RGS10: variants seen among roughly 807,000 people sequenced by gnomAD.
The protein encoded by RGS10 is regulator of G protein signaling 10.
In RGS10, 11 loss-of-function variants were observed where a neutral mutation model predicts 23.5. That is an observed-to-expected ratio of 0.47 (90% CI 0.29 to 0.77). The LOEUF (loss-of-function observed/expected upper bound fraction) is 0.77. Ranked by LOEUF, RGS10 falls within the 30% of genes least tolerant of loss-of-function variation. RGS10 has a pLI of 0.08. For synonymous variants in RGS10, 77 were observed against 83.2 expected (o/e 0.92, Z 0.41); for missense variants, 180 against 226.3 (o/e 0.80, Z 1.31).
At position 119,527,403 on chromosome 10, in the gene RGS10, C is replaced by T; in HGVS notation, c.71G>A (p.Ser24Asn). 6.2e-7 allele frequency: 1 copy of T among 1,614,230 alleles called. No individual in the cohort carries two copies. The highest frequency in any genetic ancestry group is 8.5e-7 in the Non-Finnish European group (1 of 1,180,014). ...PPSDIHDSDG[S>N]SSSSHQSLKS... is the part of the protein sequence containing the mutation. ...GAGGCTCTGGTGGCTGCTGCTGGAA[C>T]TGCCATCGCTGTCGTGGATGTCTGC... is the stretch of plus-strand genomic sequence containing the variant. The change falls in exon 2 of 5, where the codon AGT (serine) becomes AAT (asparagine). Residue 24 changes from serine to asparagine, a missense_variant. By Grantham distance (46) the Ser-to-Asn change is conservative. Coordinates refer to ENST00000369103, the MANE Select transcript of RGS10 (RefSeq NM_001005339.2). The surrounding 1 kb of genome is among the most constrained non-coding windows in gnomAD (Gnocchi z 4.2).
chr10:119,502,562 A>G (rs1383934419), intron 4 of RGS10, among the ~76,000 whole-genome samples: 1 of 152,124 alleles, frequency 6.6e-6, no homozygotes, highest in Non-Finnish European at 1.5e-5. Flanking sequence ...GTAGAGAAGA[A>G]AAAAGGCCGG....
rs1343069670 is a variant in RGS10, at chr10:119,542,594, C to T, written c.45G>A (p.Pro15=). 7.0e-7 allele frequency: 1 copy of T among 1,423,710 alleles called. No individual in the cohort carries two copies. Among genetic ancestry groups the T allele is most frequent in the Admixed American group, 2.6e-5 (1 of 38,698 alleles). The allele number at this position is 1,423,710 out of a possible 1,614,324, so 88.2% of individuals were successfully genotyped here. ...CGGGCCCCCGAAGCCGCTTACCTGA[C>T]GGCGGCCGCTTCCTGCTCAGCCGGC... ...AVSRLSRKRP[P]SDIHDSDGSS... is the part of the protein sequence containing the mutation. The change falls in exon 1 of 5, where the codon CCG becomes CCA. Residue 15 remains proline, a synonymous_variant. Coordinates refer to ENST00000369103, the MANE Select transcript of RGS10 (RefSeq NM_001005339.2).
chr10:119,507,422 C>G (rs1245065541), intron 4 of RGS10, among the ~76,000 whole-genome samples: 1 of 152,138 alleles, frequency 6.6e-6, no homozygotes, highest in Non-Finnish European at 1.5e-5. Context: ...CCCTCAATAG[C>G]TGGCCCACCC....
At chr10:119,530,565 C>T (rs1844321684) in intron 1 of RGS10, among the ~76,000 whole-genome samples, 1 of 152,196 alleles carries the variant, frequency 6.6e-6, no homozygotes, top group Non-Finnish European at 1.5e-5. Context: ...TGGTTCACAC[C>T]TATAACCCCA....
chr10:119,538,373 G>A lies in RGS10; in HGVS notation c.49+4217C>T, dbSNP rs979784630. On this transcript the variant is annotated intron_variant, in intron 1 of 4. Transcript: ENST00000369103. The surrounding 1 kb of genome is among the most constrained non-coding windows in gnomAD (Gnocchi z 4.5). ...CCTCTGCAGCCCTTGAGGGAGAAAT[G>A]AAATGGTTCCCTCCTGCTCAGACAA... is the stretch of plus-strand genomic sequence containing the variant. 1.3e-5 allele frequency among the ~76,000 whole-genome samples: 2 copies of A among 152,186 alleles called. No individual in the cohort carries two copies. Among genetic ancestry groups the A allele is most frequent in the Non-Finnish European group, 2.9e-5 (2 of 68,032 alleles).
intron 3 of RGS10, among the ~76,000 whole-genome samples, chr10:119,522,151 G>A (rs1035779410): frequency 1.3e-5 from 2 of 152,142 alleles, no homozygotes; most frequent in African/African-American, 4.8e-5. Flanking sequence ...GGAAGAAGAG[G>A]CCCCCCACTC....
At chr10:119,515,937 G>A (rs934745985) in intron 3 of RGS10, among the ~76,000 whole-genome samples, 7 of 152,188 alleles carry the variant, frequency 4.6e-5, no homozygotes, top group African/African-American at 1.7e-4. Context: ...CTGGCCCGCA[G>A]AGAGCACTCA....
chr10:119,525,940 A>G, intron 3 of RGS10, 92 bp downstream of exon 3: 1 of 604,824 alleles, frequency 1.7e-6, no homozygotes, highest in East Asian at 2.8e-5. Flanking sequence ...CAAAACTAAT[A>G]TGAATCAGGT....
At chr10:119,507,367 A>G (rs1474449587) in intron 4 of RGS10, among the ~76,000 whole-genome samples, 3 of 152,054 alleles carry the variant, frequency 2.0e-5, no homozygotes. Flanking sequence ...ATGGGCCCCC[A>G]AATGACTGCC....
At position 119,515,514 on chromosome 10, in the gene RGS10, C is replaced by T. The variant is rs1268037335; in HGVS notation, c.394G>A (p.Asp132Asn). 2 of 1,613,990 alleles carry T rather than the reference C, an allele frequency of 1.2e-6. No homozygotes were observed. The highest frequency in any genetic ancestry group is 1.3e-5 in the African/African-American group (1 of 74,902). Residue 132 changes from aspartate to asparagine, a missense_variant, in exon 4 of 5, where the codon GAC (aspartate) becomes AAC (asparagine). Transcript: ENST00000369103. Reference sequence around the variant, plus strand: ...AGGCAGGGAAGTCGGGTTACCTGGTCCTGGAGTTTCTGGAACATCAGAGGG... The same window carrying T: ...AGGCAGGGAAGTCGGGTTACCTGGTTCTGGAGTTTCTGGAACATCAGAGGG... ...PHPLMFQKLQ[D>N]QIFNLMKYDS...
At chr10:119,506,750 G>A (rs1329691117) in intron 4 of RGS10, among the ~76,000 whole-genome samples, 4 of 152,138 alleles carry the variant, frequency 2.6e-5, no homozygotes, top group African/African-American at 4.8e-5. Flanking sequence ...CGCCAGGCTG[G>A]AGTGCAGCGG....
rs566327694 is a variant in RGS10 at position 119,528,579 on chromosome 10, C to T, written c.50-1155G>A. On this transcript the variant is annotated intron_variant, in intron 1 of 4. Transcript: ENST00000369103. ...CACTGCATTAAATATCATTTATAGG[C>T]TGGGTGCAGTGGCTCACACTTGTAA... is the stretch of plus-strand genomic sequence containing the variant. 9.9e-5 allele frequency among the ~76,000 whole-genome samples: 15 copies of T among 152,078 alleles called. No individual in the cohort carries two copies. In the East Asian group the frequency reaches 2.9e-3, roughly 30 times the overall value.
intron 4 of RGS10, among the ~76,000 whole-genome samples, chr10:119,503,837 G>A (rs1467310183): frequency 6.6e-6 from 1 of 152,208 alleles, no homozygotes. Flanking sequence ...AGTCAGATTG[G>A]GTTAGAGCTC....
chr10:119,519,924 T>C (rs1368543454), intron 3 of RGS10, among the ~76,000 whole-genome samples: 1 of 152,164 alleles, frequency 6.6e-6, no homozygotes, highest in African/African-American at 2.4e-5. Context: ...ATGTAGCCAG[T>C]TGGTTTCTAG....
chr10:119,513,336 TGTAGTCTCAGCTACTTGGGAGGTTGA>T (rs1844099151), intron 4 of RGS10, among the ~76,000 whole-genome samples: 1 of 152,124 alleles, frequency 6.6e-6, no homozygotes, highest in African/African-American at 2.4e-5. Flanking sequence ...GGCACACACC[TGTAGTCTCAGCTACTTGGGAGGTTGA>T]GGTGGGAGGA....
chr10:119,511,942 T>A (rs1404045152), intron 4 of RGS10, among the ~76,000 whole-genome samples: 1 of 152,198 alleles, frequency 6.6e-6, no homozygotes, highest in Non-Finnish European at 1.5e-5. Context: ...CTGTTAGAAC[T>A]GTGTGCAAAC....
intron 3 of RGS10, among the ~76,000 whole-genome samples, chr10:119,520,793 T>A (rs1844203332): frequency 1.6e-5 from 2 of 121,338 alleles, no homozygotes; most frequent in Non-Finnish European, 1.7e-5. Flanking sequence ...GAAGATGTAG[T>A]CAAAATCTCC....
intron 3 of RGS10, among the ~76,000 whole-genome samples, chr10:119,521,901 C>G (rs1589838621): frequency 6.6e-6 from 1 of 152,074 alleles, no homozygotes; most frequent in South Asian, 2.1e-4. Flanking sequence ...TCAACAAGGT[C>G]TTTACATACC....
chr10:119,541,086 G>T (rs1028010990), intron 1 of RGS10, among the ~76,000 whole-genome samples: 1 of 152,200 alleles, frequency 6.6e-6, no homozygotes, highest in African/African-American at 2.4e-5. Context: ...GCTCTTGCAA[G>T]CCAGTTTGAG....
Sources: allele counts gnomAD v4.1 joint callset (sites outside exome capture counted in the v4.1 genomes callset), GRCh38; gene constraint gnomAD v4.1.1; non-coding constraint Gnocchi (gnomAD v3.1); transcripts MANE v1.5; gene names NCBI Gene and HGNC (gene_info 2026-07-23, HGNC 2026-07-21).